ROBO1: variants seen among roughly 807,000 people sequenced by gnomAD.
The protein encoded by ROBO1 is roundabout homolog 1.
Under a neutral mutation model 195.9 loss-of-function variants are expected in ROBO1, and 149 were observed. The ratio of observed to expected loss-of-function variants is 0.76; its 90% CI spans 0.67 to 0.87. ROBO1 has a LOEUF of 0.87. ROBO1 is among the 40% of genes least tolerant of loss of function. The pLI is 0.00. For synonymous variants in ROBO1, 816 were observed against 733.2 expected, an observed-to-expected ratio of 1.11 and a Z score of -1.82; for missense variants, 1,933 against 2,068.3, an observed-to-expected ratio of 0.93 and a Z score of 1.27.
intron 3 of ROBO1, among the ~76,000 whole-genome samples, chr3:79,092,636 G>A (rs542329640): frequency 5.3e-4 from 80 of 151,862 alleles, no homozygotes; most frequent in Non-Finnish European, 9.9e-4. Flanking sequence ...AATTCCTTTC[G>A]TTATAATAAC....
chr3:78,931,701 T>C (rs1439194839), intron 4 of ROBO1, among the ~76,000 whole-genome samples: 1 of 152,174 alleles, frequency 6.6e-6, no homozygotes, highest in Non-Finnish European at 1.5e-5. Context: ...TACAGTGGCT[T>C]ATGCCTATAA....
At chr3:79,093,577 T>A (rs78383097) in intron 3 of ROBO1, among the ~76,000 whole-genome samples, 1,608 of 152,206 alleles carry the variant, frequency 0.011, 20 homozygotes, top group South Asian at 0.041. Flanking sequence ...ATCTCCTTAT[T>A]GCTTACCCTC....
chr3:79,626,362 G>T (rs148357050), intron 1 of ROBO1, among the ~76,000 whole-genome samples: 1 of 152,098 alleles, frequency 6.6e-6, no homozygotes, highest in Non-Finnish European at 1.5e-5. Context: ...ACTTGAACCC[G>T]GGAGGTGGAG....
At chr3:79,013,940 A>C (rs1032799937) in intron 3 of ROBO1, among the ~76,000 whole-genome samples, 2 of 152,128 alleles carry the variant, frequency 1.3e-5, no homozygotes, top group African/African-American at 4.8e-5. Flanking sequence ...CTTTAAGCAA[A>C]AGCGTTACCA....
intron 2 of ROBO1, among the ~76,000 whole-genome samples, chr3:79,545,702 G>GT (rs140908769): frequency 0.1 from 15,495 of 152,110 alleles, 1,018 homozygotes; most frequent in East Asian, 0.18. Context: ...TGGTAGGTAG[G>GT]TTTTTTCTTT....
chr3:79,393,713 T>C (rs563192281), intron 2 of ROBO1, among the ~76,000 whole-genome samples: 3 of 152,272 alleles, frequency 2.0e-5, no homozygotes, highest in South Asian at 2.1e-4. Context: ...AAGGGGGCTA[T>C]GCTTCACTGC....
chr3:78,938,485 G>C lies in ROBO1; in HGVS notation c.499+116C>G, dbSNP rs1212373664. On this transcript the variant is annotated intron_variant, in intron 4 of 30. Transcript: ENST00000464233. Reference sequence around the variant, plus strand: ...TAGATTGTATTCACATACAAAGCTAGAGTTTATCCTCAGGTAAGGCCTGAG... The same window carrying C: ...TAGATTGTATTCACATACAAAGCTACAGTTTATCCTCAGGTAAGGCCTGAG... 8 of 794,546 alleles carry C rather than the reference G, an allele frequency of 1.0e-5. No individual in the cohort carries two copies. In the African/African-American group the frequency reaches 1.4e-4, roughly 14 times the overall value. 49.2% of individuals were successfully genotyped at this position (794,546 alleles called of 1,614,324 possible). A position where few individuals can be genotyped will look rare whatever the true frequency, so the allele number is the denominator to read the frequency against.
intron 2 of ROBO1, among the ~76,000 whole-genome samples, chr3:79,204,175 G>A (rs1202891382): frequency 6.6e-6 from 1 of 152,120 alleles, no homozygotes; most frequent in African/African-American, 2.4e-5. Context: ...CAGAGTAACT[G>A]TGATATTCAT....
At chr3:79,404,423 C>T (rs2106804965) in intron 2 of ROBO1, among the ~76,000 whole-genome samples, 1 of 152,218 alleles carries the variant, frequency 6.6e-6, no homozygotes, top group Non-Finnish European at 1.5e-5. Context: ...ATTAGAGAAC[C>T]AGTGCAGTAC....
chr3:79,207,623 G>A lies in ROBO1; in HGVS notation c.89-82084C>T, dbSNP rs151048065. 5.3e-5 allele frequency among the ~76,000 whole-genome samples: 8 copies of A among 152,150 alleles called. 1 individual carries two copies. In the East Asian group the frequency reaches 1.6e-3, roughly 30 times the overall value. Reference sequence around the variant, plus strand: ...GGTGTTAGGTGGATGAAAAGCCAATGCTATCCCTCTATTTTTTTGTTATAA... The same window carrying A: ...GGTGTTAGGTGGATGAAAAGCCAATACTATCCCTCTATTTTTTTGTTATAA... On this transcript the variant is annotated intron_variant, in intron 2 of 30. Coordinates refer to ENST00000464233, the MANE Select transcript of ROBO1 (RefSeq NM_002941.4).
chr3:79,291,721 C>G (rs2032262701), intron 2 of ROBO1, among the ~76,000 whole-genome samples: 1 of 152,128 alleles, frequency 6.6e-6, no homozygotes, highest in Non-Finnish European at 1.5e-5. Flanking sequence ...ATTCTGGTTA[C>G]TTTTGGGCAC....
At chr3:79,621,707 C>A (rs902001311) in intron 1 of ROBO1, among the ~76,000 whole-genome samples, 5 of 152,132 alleles carry the variant, frequency 3.3e-5, no homozygotes, top group Non-Finnish European at 5.9e-5. Flanking sequence ...CTCAGAGGAG[C>A]AAATGCTAAG....
intron 2 of ROBO1, among the ~76,000 whole-genome samples, chr3:79,333,662 A>C (rs1188645099): frequency 6.6e-6 from 1 of 152,100 alleles, no homozygotes; most frequent in African/African-American, 2.4e-5. Flanking sequence ...CAGCACACCA[A>C]ACACTCACAG....
chr3:78,879,660 A>AT (rs1333230785), intron 4 of ROBO1, among the ~76,000 whole-genome samples: 1 of 152,020 alleles, frequency 6.6e-6, no homozygotes, highest in Non-Finnish European at 1.5e-5. Context: ...AAAAAGAACA[A>AT]TAAAAACGTA....
rs1440622436 is a variant in ROBO1, at chr3:78,627,536, T to C, written c.3660A>G (p.Pro1220=). The change falls in exon 26 of 31, where the codon CCA becomes CCG. Residue 1220 remains proline (P), a synonymous_variant. Transcript: ENST00000464233. The part of the protein sequence containing the change: ...YDQEMPCPVP[P]ARMYLQQDEL... ...CATCTTGTTGCAAATACATCCTTGCTGGTGGCACGGGACATGGCATTTCTT... is the reference window on the plus strand; with the variant it reads ...CATCTTGTTGCAAATACATCCTTGCCGGTGGCACGGGACATGGCATTTCTT... 1 of 1,613,346 alleles carries C rather than the reference T, an allele frequency of 6.2e-7. No homozygotes were observed. Among genetic ancestry groups the C allele is most frequent in the Non-Finnish European group, 8.5e-7 (1 of 1,179,684 alleles).
In ROBO1 at chr3:78,647,406, C is replaced by G. The variant is rs115556360; in HGVS notation, c.2839+223G>C. 6.1e-3 allele frequency among the ~76,000 whole-genome samples: 921 copies of G among 152,056 alleles called. 10 individuals carry two copies. Among genetic ancestry groups the G allele is most frequent in the African/African-American group, 0.019 (809 of 41,544 alleles). On this transcript the variant is annotated intron_variant, in intron 20 of 30. Coordinates refer to ENST00000464233, the MANE Select transcript of ROBO1 (RefSeq NM_002941.4). The stretch of plus-strand genomic sequence containing the variant: ...AAACACATGCAAACAAGGCCAAGAT[C>G]CAGTGTGGAATTGTGAATAAATAAT...
rs34364869 is a variant in ROBO1 at position 78,920,624 on chromosome 3, G to GTTT, written c.499+17974_499+17976dup. On this transcript the variant is annotated intron_variant, in intron 4 of 30. Coordinates refer to ENST00000464233, the MANE Select transcript of ROBO1 (RefSeq NM_002941.4). ...CCAGCCTTTCTTTTTCTTTCTTTCA[G>GTTT]TTTTTTTTTTTTTTTTTTTTTTTTT... is the stretch of plus-strand genomic sequence containing the variant. Among the ~76,000 whole-genome samples, 586 of 60,940 alleles carry GTTT rather than the reference G, an allele frequency of 9.6e-3. 73 individuals are homozygous for GTTT. Among genetic ancestry groups the GTTT allele is most frequent in the Non-Finnish European group, 0.01 (351 of 33,474 alleles). The allele number at this position is 60,940 out of a possible 152,430, so 40.0% of individuals were successfully genotyped here. A position where few individuals can be genotyped will look rare whatever the true frequency, so the allele number is the denominator to read the frequency against.
chr3:78,957,803 A>G (rs954868317), intron 3 of ROBO1, among the ~76,000 whole-genome samples: 1 of 152,210 alleles, frequency 6.6e-6, no homozygotes, highest in African/African-American at 2.4e-5. Context: ...TTCCTAGTCT[A>G]TGCTGCCCAG....
intron 4 of ROBO1, among the ~76,000 whole-genome samples, chr3:78,830,706 A>G (rs2032094781): frequency 6.6e-6 from 1 of 152,134 alleles, no homozygotes; most frequent in Non-Finnish European, 1.5e-5. Flanking sequence ...GGGGATTATT[A>G]TGACTCATTA....
Sources: allele counts gnomAD v4.1 joint callset (sites outside exome capture counted in the v4.1 genomes callset), GRCh38; gene constraint gnomAD v4.1.1; transcripts MANE v1.5; gene names NCBI Gene and HGNC (gene_info 2026-07-23, HGNC 2026-07-21).